The following EPS15 variants were observed in gnomAD, a reference collection of about 807,000 sequenced individuals.
EPS15 encodes the protein epidermal growth factor receptor substrate 15.
Under a neutral mutation model 113.8 loss-of-function variants are expected in EPS15, and 72 were observed. The ratio of observed to expected loss-of-function variants is 0.63; its 90% CI spans 0.52 to 0.77. The LOEUF is 0.77. EPS15 is among the 30% of genes least tolerant of loss of function. EPS15 has a pLI of 0.00. For missense variants in EPS15, 1,048 were observed against 1,045.8 expected, an observed-to-expected ratio of 1.00 and a Z score of -0.03; for synonymous variants, 344 against 363.4, an observed-to-expected ratio of 0.95 and a Z score of 0.61.
chr1:51,396,151 CACTA>C (rs150729376), intron 20 of EPS15, among the ~76,000 whole-genome samples: 4,856 of 152,214 alleles, frequency 0.032, 126 homozygotes, highest in Non-Finnish European at 0.05. Context: ...ACAACTAGCA[CACTA>C]ACTTAGATAT....
At chr1:51,519,031 G>T (rs1161026540) in intron 1 of EPS15, among the ~76,000 whole-genome samples, 168 bp downstream of exon 1, 1 of 151,360 alleles carries the variant, frequency 6.6e-6, no homozygotes, top group Non-Finnish European at 1.5e-5. Flanking sequence ...GGCTCCGGAG[G>T]GCGCCCTCCC....
At chr1:51,405,820 T>C in intron 16 of EPS15, 85 bp downstream of exon 16, 1 of 1,108,188 alleles carries the variant, frequency 9.0e-7, no homozygotes, top group South Asian at 1.3e-5. Context: ...GGCAAGGCCA[T>C]GTATTTATAT....
At chr1:51,381,021 T>C (rs1646928448) in intron 21 of EPS15, among the ~76,000 whole-genome samples, 1 of 152,192 alleles carries the variant, frequency 6.6e-6, no homozygotes. Context: ...CCAAACATGC[T>C]TCTTCAATAT....
At chr1:51,463,582 ATT>A in intron 7 of EPS15, 89 bp downstream of exon 7, 1 of 656,896 alleles carries the variant, frequency 1.5e-6, no homozygotes, top group Admixed American at 3.3e-5. Context: ...AGATTTGTAT[ATT>A]TTTAACAAAG....
In EPS15 at chr1:51,370,279, T is replaced by A. The variant is rs540060249; in HGVS notation, c.2120-4250A>T. On this transcript the variant is annotated intron_variant, in intron 21 of 24. Coordinates refer to ENST00000371733, the MANE Select transcript of EPS15 (RefSeq NM_001981.3). Reference sequence around the variant, plus strand: ...TCAAAGTATAGCACACACGATTATGTGGAGTACACAATGCAGGCTGAGTAT... The same window carrying A: ...TCAAAGTATAGCACACACGATTATGAGGAGTACACAATGCAGGCTGAGTAT... Among the ~76,000 whole-genome samples, 4 of 152,338 alleles carry A rather than the reference T, an allele frequency of 2.6e-5. No homozygotes were observed. The East Asian group carries it at 5.8e-4, about 22-fold the overall frequency.
intron 14 of EPS15, among the ~76,000 whole-genome samples, chr1:51,408,956 C>A (rs115142496): frequency 0.032 from 4,860 of 152,184 alleles, 127 homozygotes; most frequent in Non-Finnish European, 0.05. Context: ...CCCGCCACCG[C>A]CCTGGCTAAT....
intron 4 of EPS15, among the ~76,000 whole-genome samples, chr1:51,470,122 T>C (rs1327180710): frequency 6.6e-6 from 1 of 152,228 alleles, no homozygotes; most frequent in Non-Finnish European, 1.5e-5. Context: ...ACAGTATGGA[T>C]GGGCTATGAA....
At chr1:51,369,586 T>A (rs1357910087) in intron 21 of EPS15, among the ~76,000 whole-genome samples, 1 of 152,226 alleles carries the variant, frequency 6.6e-6, no homozygotes, top group African/African-American at 2.4e-5. Flanking sequence ...CTATCAGAAA[T>A]AACCCTTATG....
At chr1:51,468,867 C>A (rs1384698138) in intron 4 of EPS15, among the ~76,000 whole-genome samples, 1 of 152,186 alleles carries the variant, frequency 6.6e-6, no homozygotes, top group African/African-American at 2.4e-5. Context: ...GTGGCTCACA[C>A]CTGTAAGCTC....
At chr1:51,357,426 A>ATATATTT (rs1443627608) in intron 24 of EPS15, among the ~76,000 whole-genome samples, 34 of 53,532 alleles carry the variant, frequency 6.4e-4, no homozygotes, top group African/African-American at 2.1e-3. Context: ...ATATATATAT[A>ATATATTT]TTTTTTTTTT....
At chr1:51,508,137 G>A (rs986667026) in intron 1 of EPS15, among the ~76,000 whole-genome samples, 27 of 147,108 alleles carry the variant, frequency 1.8e-4, no homozygotes, top group East Asian at 6.0e-4. Context: ...AGCTGAGATC[G>A]CACCATTGCA....
intron 8 of EPS15, chr1:51,457,628 C>A (rs1654113484): frequency 7.1e-6 from 1 of 140,720 alleles, no homozygotes; most frequent in East Asian, 2.3e-4. Context: ...TACACATAAT[C>A]TAAGATAATT....
At chr1:51,506,949 T>C (rs1003740130) in intron 1 of EPS15, among the ~76,000 whole-genome samples, 1 of 152,214 alleles carries the variant, frequency 6.6e-6, no homozygotes, top group Admixed American at 6.5e-5. Flanking sequence ...TTAATGCCAA[T>C]TTCCTATGCT....
chr1:51,406,021 T>A lies in EPS15; in HGVS notation c.1561A>T (p.Asn521Tyr), dbSNP rs749033651. The change falls in exon 16 of 25, where the codon AAC (asparagine) becomes TAC (tyrosine). Residue 521 changes from asparagine (N) to tyrosine (Y), a missense_variant. By Grantham distance (143) the Asn-to-Tyr change is moderately radical. Coordinates refer to ENST00000371733, the MANE Select transcript of EPS15 (RefSeq NM_001981.3). ...AGGCTGCAATAATCTGTAGCTCCGT[T>A]TACAAGAATGCTGTGTGGGCTACTG... is the stretch of plus-strand genomic sequence containing the variant. The part of the protein sequence containing the change: ...WCSSPHSILV[N>Y]GATDYCSLST... 1 of 1,614,206 alleles carries A rather than the reference T, an allele frequency of 6.2e-7. No homozygotes were observed. The highest frequency in any genetic ancestry group is 1.1e-5 in the South Asian group (1 of 91,086).
intron 6 of EPS15, among the ~76,000 whole-genome samples, chr1:51,464,430 C>G (rs565837099): frequency 1.3e-5 from 2 of 151,826 alleles, no homozygotes; most frequent in South Asian, 2.1e-4. Flanking sequence ...TTAGTAGACA[C>G]GGGGTTTCAC....
intron 21 of EPS15, among the ~76,000 whole-genome samples, chr1:51,383,913 A>G (rs1321725571): frequency 6.6e-6 from 1 of 152,238 alleles, no homozygotes; most frequent in Non-Finnish European, 1.5e-5. Context: ...AAAAATCAAC[A>G]TATGAAAATC....
intron 12 of EPS15, chr1:51,422,244 T>C (rs1650826482): frequency 1.7e-5 from 3 of 178,470 alleles, no homozygotes. Context: ...GGTACCACTG[T>C]CAAATTAAAT....
chr1:51,427,470 A>G (rs1051914091), intron 12 of EPS15, among the ~76,000 whole-genome samples: 2 of 152,178 alleles, frequency 1.3e-5, no homozygotes, highest in African/African-American at 4.8e-5. Flanking sequence ...TGGGGATAAG[A>G]ATATAAAGAG....
At chr1:51,367,719 A>G (rs1270029074) in intron 21 of EPS15, among the ~76,000 whole-genome samples, 1 of 152,248 alleles carries the variant, frequency 6.6e-6, no homozygotes, top group Non-Finnish European at 1.5e-5. Flanking sequence ...AATAACGTCA[A>G]AGAATGTTTA....
Sources: gnomAD v4.1 joint callset for allele counts (sites outside exome capture counted in the v4.1 genomes callset) on GRCh38, gnomAD v4.1.1 for gene constraint, MANE v1.5 for transcripts, NCBI Gene and HGNC (gene_info 2026-07-23, HGNC 2026-07-21) for gene names.